The following LATS2 variants were observed in gnomAD, a reference collection of about 807,000 sequenced individuals.
LATS2 encodes large tumor suppressor kinase 2.
In LATS2, 24 loss-of-function variants were observed where a neutral mutation model predicts 76.0. That is an observed-to-expected ratio of 0.32 (90% CI 0.23 to 0.44). The LOEUF (loss-of-function observed/expected upper bound fraction) is 0.44, where lower values mean the gene tolerates loss of function less well. Among genes scored for constraint, LATS2 ranks in the 20% least tolerant of loss-of-function variants. The pLI is 1.00. For missense variants in LATS2, 1,286 were observed against 1,481.2 expected, an observed-to-expected ratio of 0.87 and a Z score of 2.16; for synonymous variants, 692 against 635.4, an observed-to-expected ratio of 1.09 and a Z score of -1.34.
intron 2 of LATS2, among the ~76,000 whole-genome samples, chr13:21,043,714 C>G (rs1872968294): frequency 6.6e-6 from 1 of 152,198 alleles, no homozygotes; most frequent in Admixed American, 6.5e-5. Flanking sequence ...GTATTGGAAA[C>G]AGCACTGGCT....
At chr13:21,009,498 T>G (rs1025683941) in intron 2 of LATS2, among the ~76,000 whole-genome samples, 6 of 152,172 alleles carry the variant, frequency 3.9e-5, no homozygotes, top group Admixed American at 3.3e-4. Flanking sequence ...AAGGGTAAGC[T>G]AAAACAATTA....
At chr13:20,976,507 A>C (rs1305483727) in intron 7 of LATS2, among the ~76,000 whole-genome samples, 2 of 152,212 alleles carry the variant, frequency 1.3e-5, no homozygotes, top group African/African-American at 4.8e-5. Flanking sequence ...GCAAAAAGGC[A>C]ACAAAATGGG....
intron 2 of LATS2, among the ~76,000 whole-genome samples, chr13:20,999,295 G>A (rs1225491612): frequency 6.6e-6 from 1 of 152,202 alleles, no homozygotes; most frequent in Non-Finnish European, 1.5e-5. Flanking sequence ...TGGTAAACCA[G>A]ACACACGCCC....
intron 1 of LATS2, among the ~76,000 whole-genome samples, chr13:21,060,869 G>A (rs1397658490): frequency 6.6e-6 from 1 of 151,396 alleles, no homozygotes; most frequent in Non-Finnish European, 1.5e-5. Context: ...GGGTCCCGAG[G>A]CTGTCAGGGG....
At chr13:21,040,375 T>TG (rs1296920561) in intron 2 of LATS2, among the ~76,000 whole-genome samples, 1 of 124,038 alleles carries the variant, frequency 8.1e-6, no homozygotes, top group Non-Finnish European at 1.6e-5. Flanking sequence ...AGACCTTGTC[T>TG]CAAAAAAAAA....
chr13:20,997,908 G>A (rs1870830196), intron 2 of LATS2, among the ~76,000 whole-genome samples: 1 of 152,198 alleles, frequency 6.6e-6, no homozygotes, highest in Admixed American at 6.5e-5. Context: ...CCCCCACTCA[G>A]CCCTTCCTGG....
chr13:20,995,302 CA>C (rs1870704728), intron 2 of LATS2, among the ~76,000 whole-genome samples: 1 of 152,100 alleles, frequency 6.6e-6, no homozygotes, highest in African/African-American at 2.4e-5. Context: ...AATAATTATA[CA>C]AAGAAATGTA....
intron 1 of LATS2, among the ~76,000 whole-genome samples, chr13:21,054,359 G>A (rs1873378593): frequency 6.6e-6 from 1 of 152,090 alleles, no homozygotes; most frequent in African/African-American, 2.4e-5. Flanking sequence ...TGTGAGCCGA[G>A]GTCATTCCAC....
intron 2 of LATS2, among the ~76,000 whole-genome samples, chr13:21,021,438 A>C (rs986005044): frequency 4.1e-5 from 5 of 122,518 alleles, no homozygotes; most frequent in Non-Finnish European, 8.0e-5. Context: ...GTGCCACTGC[A>C]CTCCAGAGCC....
chr13:20,989,329 A>G, intron 3 of LATS2, 25 bp from the exon 4 acceptor site: 1 of 1,612,562 alleles, frequency 6.2e-7, no homozygotes, highest in Non-Finnish European at 8.5e-7. Flanking sequence ...ACAGGAAGAC[A>G]GCATCAGAGT....
intron 2 of LATS2, among the ~76,000 whole-genome samples, chr13:21,021,032 T>C (rs967129775): frequency 7.2e-5 from 11 of 152,320 alleles, no homozygotes; most frequent in African/African-American, 2.6e-4. Flanking sequence ...GGATTTATTT[T>C]AAGAGTCTGA....
chr13:21,034,604 G>A (rs1298158989), intron 2 of LATS2, among the ~76,000 whole-genome samples: 1 of 152,130 alleles, frequency 6.6e-6, no homozygotes, highest in Non-Finnish European at 1.5e-5. Flanking sequence ...GGACTGCCGT[G>A]CCACCACAGC....
intron 2 of LATS2, among the ~76,000 whole-genome samples, chr13:20,998,672 C>T (rs1870875362): frequency 6.6e-6 from 1 of 152,214 alleles, no homozygotes; most frequent in South Asian, 2.1e-4. Context: ...CCCACCATTG[C>T]GTGCCCCTCC....
chr13:21,006,944 T>A (rs1439335757), intron 2 of LATS2, among the ~76,000 whole-genome samples: 1 of 152,184 alleles, frequency 6.6e-6, no homozygotes, highest in African/African-American at 2.4e-5. Flanking sequence ...GGTTATTTTT[T>A]AAATGCTGTC....
intron 2 of LATS2, chr13:21,018,035 G>A (rs1443974197): frequency 2.0e-5 from 3 of 152,136 alleles, no homozygotes; most frequent in African/African-American, 4.8e-5. Context: ...GGAAATGTGA[G>A]GCCAATTTAG....
Position 20,988,754 on chromosome 13 carries a change from G to C in LATS2, c.1026C>G (p.Ser342Arg), listed in dbSNP as rs1163214266. 6.3e-7 allele frequency: 1 copy of C among 1,578,586 alleles called. No homozygotes were observed. The highest frequency in any genetic ancestry group is 1.3e-5 in the African/African-American group (1 of 74,436). ...GSRSQVFASD[S>R]PPQSLLTPSR... ...AGGGAGTGAGCAGGCTCTGCGGGGG[G>C]CTGTCGCTGGCGAACACCTGGCTGC... is the stretch of plus-strand genomic sequence containing the variant. The change falls in exon 4 of 8, where the codon AGC becomes AGG. Residue 342 changes from serine to arginine, a missense_variant. This residue lies in a region of LATS2 where 710 missense variants were observed against 660.9 expected (regional missense o/e 1.07). Coordinates refer to ENST00000382592, the MANE Select transcript of LATS2 (RefSeq NM_014572.3).
At chr13:21,021,171 C>T (rs1378471475) in intron 2 of LATS2, among the ~76,000 whole-genome samples, 1 of 151,944 alleles carries the variant, frequency 6.6e-6, no homozygotes, top group African/African-American at 2.4e-5. Context: ...TAAACATTTT[C>T]CATAATTAAA....
intron 2 of LATS2, chr13:21,022,986 C>T (rs1872131542): frequency 6.6e-6 from 1 of 152,276 alleles, no homozygotes; most frequent in African/African-American, 2.4e-5. Flanking sequence ...TTGATTTTCT[C>T]TGATTAGCCA....
At chr13:21,040,150 G>A (rs1872819014) in intron 2 of LATS2, among the ~76,000 whole-genome samples, 1 of 152,084 alleles carries the variant, frequency 6.6e-6, no homozygotes, top group Non-Finnish European at 1.5e-5. Flanking sequence ...ACTTTGGGAG[G>A]CTGAGGCAGG....
Sources: gnomAD v4.1 joint callset for allele counts (sites outside exome capture counted in the v4.1 genomes callset) on GRCh38, gnomAD v4.1.1 for gene constraint, gnomAD v4.1.1 regional missense constraint, MANE v1.5 for transcripts, NCBI Gene and HGNC (gene_info 2026-07-23, HGNC 2026-07-21) for gene names.